PRKG2: variants seen among roughly 807,000 people sequenced by gnomAD.
PRKG2 encodes protein kinase cGMP-dependent 2, also known as cGMP-dependent protein kinase 2.
A neutral mutation model predicts 97.2 loss-of-function variants in PRKG2; 33 were observed. The observed-to-expected ratio is 0.34, with a 90% CI of 0.26 to 0.45. The LOEUF (loss-of-function observed/expected upper bound fraction) is 0.45, where lower values mean the gene tolerates loss of function less well. Among genes scored for constraint, PRKG2 ranks in the 20% least tolerant of loss-of-function variants. The pLI is 1.00. For synonymous variants in PRKG2, 330 were observed against 321.8 expected, an observed-to-expected ratio of 1.03 and a Z score of -0.27; for missense variants, 638 against 900.0, an observed-to-expected ratio of 0.71 and a Z score of 3.73.
At chr4:81,189,140 C>T (rs1219852620) in intron 2 of PRKG2, among the ~76,000 whole-genome samples, 6 of 65,728 alleles carry the variant, frequency 9.1e-5, no homozygotes, top group Non-Finnish European at 1.2e-4. Context: ...AGGAAAAATA[C>T]AGGTTTTTAC....
At chr4:81,159,470 A>G (rs1274359840) in intron 6 of PRKG2, among the ~76,000 whole-genome samples, 2 of 152,156 alleles carry the variant, frequency 1.3e-5, no homozygotes, top group Admixed American at 1.3e-4. Context: ...CAGGTGCTGG[A>G]GAGGATGTGG....
At chr4:81,205,195 C>T (rs1753581575) in intron 1 of PRKG2, 135 bp from the exon 2 acceptor site, 10 of 580,740 alleles carry the variant, frequency 1.7e-5, no homozygotes, top group Middle Eastern at 4.6e-4. Flanking sequence ...ATAAACTTCC[C>T]GAAGTTTCCA....
At chr4:81,090,921 GTTTA>G (rs929686486) in intron 18 of PRKG2, among the ~76,000 whole-genome samples, 17 of 152,052 alleles carry the variant, frequency 1.1e-4, no homozygotes, top group African/African-American at 4.1e-4. Flanking sequence ...CTCAAAAAAT[GTTTA>G]TTTAATAATT....
chr4:81,194,132 C>T (rs906047211), intron 2 of PRKG2, among the ~76,000 whole-genome samples: 3 of 152,044 alleles, frequency 2.0e-5, no homozygotes, highest in Non-Finnish European at 2.9e-5. Flanking sequence ...TTATAATTTC[C>T]CCAAAGAGAC....
chr4:81,120,955 G>A lies in PRKG2; in HGVS notation c.1777-10344C>T, dbSNP rs117952781. Among the ~76,000 whole-genome samples the A allele has an allele frequency of 2.5e-3, 373 of 152,208 alleles. 9 individuals carry two copies. In the East Asian group the frequency reaches 0.062, roughly 25 times the overall value. ...TTTTGTAGATATTCTTTATCATGTC[G>A]AGAAAGTTCTCCTCTGTTCCTAGTT... On this transcript the variant is annotated intron_variant, in intron 14 of 18. Transcript: ENST00000264399.
At chr4:81,113,553 C>T (rs1744195698) in intron 14 of PRKG2, among the ~76,000 whole-genome samples, 1 of 152,148 alleles carries the variant, frequency 6.6e-6, no homozygotes, top group Admixed American at 6.5e-5. Context: ...TAAATCTGCA[C>T]TGATGATTGT....
chr4:81,206,433 G>A (rs1753657185), intron 1 of PRKG2, among the ~76,000 whole-genome samples: 2 of 152,262 alleles, frequency 1.3e-5, no homozygotes, highest in African/African-American at 2.4e-5. Context: ...ATAAAGGGGA[G>A]TTTGCCTTTG....
At chr4:81,159,654 G>A (rs1749433659) in intron 6 of PRKG2, among the ~76,000 whole-genome samples, 1 of 152,030 alleles carries the variant, frequency 6.6e-6, no homozygotes, top group Non-Finnish European at 1.5e-5. Flanking sequence ...AAAGACACAT[G>A]CACACGTATG....
intron 5 of PRKG2, among the ~76,000 whole-genome samples, chr4:81,167,991 G>T (rs1164752505): frequency 6.6e-6 from 1 of 151,754 alleles, no homozygotes; most frequent in African/African-American, 2.4e-5. Context: ...ACTTACATAT[G>T]TACTATATAT....
chr4:81,108,630 C>T (rs1743599687), intron 15 of PRKG2, among the ~76,000 whole-genome samples: 1 of 152,046 alleles, frequency 6.6e-6, no homozygotes, highest in African/African-American at 2.4e-5. Context: ...TGTGATGGCT[C>T]ACACTTGTAA....
chr4:81,145,576 G>T (rs1322663256), intron 9 of PRKG2, among the ~76,000 whole-genome samples: 1 of 152,006 alleles, frequency 6.6e-6, no homozygotes, highest in Admixed American at 6.6e-5. Flanking sequence ...TCTGTCTCCT[G>T]TCCATGATCA....
intron 17 of PRKG2, among the ~76,000 whole-genome samples, chr4:81,095,118 G>C (rs551309307): frequency 1.3e-5 from 2 of 152,256 alleles, no homozygotes; most frequent in East Asian, 3.9e-4. Context: ...GTTTGGTTTA[G>C]TGCTTGACTG....
At position 81,124,857 on chromosome 4, in the gene PRKG2, A is replaced by C. The variant is rs151202072; in HGVS notation, c.1776+10298T>G. 2.8e-3 allele frequency among the ~76,000 whole-genome samples: 428 copies of C among 152,228 alleles called. 6 individuals are homozygous for C. The highest frequency in any genetic ancestry group is 0.013 in the East Asian group (69 of 5,178). ...TATTTTGGAGTGGTTTGTTATGTAA[A>C]ATGGGAACTTTGTTTATCCCAGTTT... is the stretch of plus-strand genomic sequence containing the variant. On this transcript the variant is annotated intron_variant, in intron 14 of 18. Coordinates refer to ENST00000264399, the MANE Select transcript of PRKG2 (RefSeq NM_006259.3).
intron 2 of PRKG2, among the ~76,000 whole-genome samples, chr4:81,177,160 T>A (rs1751001279): frequency 6.6e-6 from 1 of 152,170 alleles, no homozygotes; most frequent in African/African-American, 2.4e-5. Context: ...GATGCTGCAG[T>A]TTACACCATC....
At chr4:81,127,386 T>A (rs138354478) in intron 14 of PRKG2, among the ~76,000 whole-genome samples, 3,256 of 152,298 alleles carry the variant, frequency 0.021, 135 homozygotes, top group African/African-American at 0.074. Flanking sequence ...TAAAGTAATT[T>A]TTTCTAATTC....
At chr4:81,103,153 G>A (rs1234292732) in intron 17 of PRKG2, among the ~76,000 whole-genome samples, 1 of 152,152 alleles carries the variant, frequency 6.6e-6, no homozygotes, top group Non-Finnish European at 1.5e-5. Context: ...ATACATCAGA[G>A]AGGATGTCTT....
intron 14 of PRKG2, among the ~76,000 whole-genome samples, chr4:81,124,337 T>G (rs1368508114): frequency 6.6e-6 from 1 of 152,228 alleles, no homozygotes; most frequent in African/African-American, 2.4e-5. Context: ...CTCTTAAGAC[T>G]TTATGTTTGT....
chr4:81,181,704 A>T (rs1751427148), intron 2 of PRKG2, among the ~76,000 whole-genome samples: 8 of 134,666 alleles, frequency 5.9e-5, no homozygotes, highest in Admixed American at 5.5e-4. Context: ...TATGGATATT[A>T]CAGTTATAAA....
At chr4:81,173,929 G>A (rs965702007) in intron 3 of PRKG2, 1 of 151,914 alleles carries the variant, frequency 6.6e-6, no homozygotes, top group Non-Finnish European at 1.5e-5. Flanking sequence ...CACTCCTTCT[G>A]GGTAAGCCAG....
Sources: gnomAD v4.1 joint callset for allele counts (sites outside exome capture counted in the v4.1 genomes callset) on GRCh38, gnomAD v4.1.1 for gene constraint, MANE v1.5 for transcripts, NCBI Gene and HGNC (gene_info 2026-07-23, HGNC 2026-07-21) for gene names.